Variants in TNIK observed in about 807,000 individuals in gnomAD.
TNIK encodes the protein TRAF2 and NCK interacting kinase, also known as TRAF2 and NCK-interacting protein kinase.
A neutral mutation model predicts 191.3 loss-of-function variants in TNIK; 49 were observed. The ratio of observed to expected loss-of-function variants is 0.26; its 90% CI spans 0.20 to 0.32. The LOEUF is 0.32. Ranked by LOEUF, TNIK falls within the 10% of genes least tolerant of loss-of-function variation. The probability of loss-of-function intolerance (pLI) is 1.00; values close to 1 mark genes in which losing one functional copy is unlikely to be tolerated. For synonymous variants in TNIK, 594 were observed against 600.9 expected (o/e 0.99, Z 0.17); for missense variants, 1,155 against 1,702.3 (o/e 0.68, Z 5.66).
chr3:171,342,241 G>A (rs986738411), intron 2 of TNIK, among the ~76,000 whole-genome samples: 1 of 152,180 alleles, frequency 6.6e-6, no homozygotes, highest in African/African-American at 2.4e-5. Context: ...AATTCTTCAG[G>A]TCTAAAGTGG....
At chr3:171,269,860 T>G (rs908205931) in intron 2 of TNIK, among the ~76,000 whole-genome samples, 4 of 152,248 alleles carry the variant, frequency 2.6e-5, no homozygotes, top group Admixed American at 6.5e-5. Context: ...GAGGGACTAC[T>G]AAGGCAATTC....
At position 171,282,334 on chromosome 3, in the gene TNIK, G is replaced by GTT. The variant is rs201489240; in HGVS notation, c.124-54115_124-54114dup. Among the ~76,000 whole-genome samples, 344 of 114,410 alleles carry GTT rather than the reference G, an allele frequency of 3.0e-3. 17 individuals are homozygous for GTT. Among genetic ancestry groups the GTT allele is most frequent in the Middle Eastern group, 9.6e-3 (2 of 208 alleles). 75.1% of individuals were successfully genotyped at this position (114,410 alleles called of 152,430 possible). Reference sequence around the variant, plus strand: ...GAACTATCTGCAGATTCTCTTAATGGTTTTTTGTTTTTTTTTTTTTTTTTG... The same window carrying GTT: ...GAACTATCTGCAGATTCTCTTAATGGTTTTTTTTGTTTTTTTTTTTTTTTTTG... On this transcript the variant is annotated intron_variant, in intron 2 of 32. Transcript: ENST00000436636.
chr3:171,337,425 G>A (rs1309769453), intron 2 of TNIK, among the ~76,000 whole-genome samples: 2 of 152,210 alleles, frequency 1.3e-5, no homozygotes, highest in Non-Finnish European at 2.9e-5. Flanking sequence ...AGGTCCAAAC[G>A]TTGAATAAAG....
At chr3:171,225,424 C>T in intron 3 of TNIK, 1 of 305,320 alleles carries the variant, frequency 3.3e-6, no homozygotes, top group South Asian at 2.7e-5. Flanking sequence ...CACAGAAAAA[C>T]TATCTAGCCC....
chr3:171,147,713 A>G (rs976721179), intron 12 of TNIK, among the ~76,000 whole-genome samples: 1 of 152,208 alleles, frequency 6.6e-6, no homozygotes, highest in Non-Finnish European at 1.5e-5. Context: ...AATTCTCACC[A>G]GAACCCTTTG....
At chr3:171,209,664 T>C (rs1484896820) in intron 4 of TNIK, among the ~76,000 whole-genome samples, 1 of 152,168 alleles carries the variant, frequency 6.6e-6, no homozygotes, top group Non-Finnish European at 1.5e-5. Context: ...CTGTAACTTT[T>C]TTAGAATTAT....
chr3:171,429,448 G>T (rs1725072081), intron 1 of TNIK, among the ~76,000 whole-genome samples: 2 of 152,018 alleles, frequency 1.3e-5, no homozygotes, highest in South Asian at 2.1e-4. Flanking sequence ...TACTAGCTAG[G>T]GCCTGATTTT....
At chr3:171,073,307 C>T (rs1719443802) in intron 28 of TNIK, among the ~76,000 whole-genome samples, 1 of 151,746 alleles carries the variant, frequency 6.6e-6, no homozygotes, top group African/African-American at 2.4e-5. Flanking sequence ...GGAAAGGACA[C>T]CCTGGGAAAA....
At chr3:171,129,665 T>C (rs984921929) in intron 15 of TNIK, among the ~76,000 whole-genome samples, 5 of 152,218 alleles carry the variant, frequency 3.3e-5, no homozygotes, top group African/African-American at 4.8e-5. Context: ...CATTTCCTTG[T>C]CATTCCCTTT....
intron 3 of TNIK, among the ~76,000 whole-genome samples, chr3:171,215,763 G>A (rs1469748044): frequency 6.6e-6 from 1 of 152,152 alleles, no homozygotes; most frequent in Non-Finnish European, 1.5e-5. Context: ...TTACACAGGG[G>A]AACACACTTT....
chr3:171,341,411 G>A (rs1757500259), intron 2 of TNIK, among the ~76,000 whole-genome samples: 1 of 128,982 alleles, frequency 7.8e-6, no homozygotes, highest in Non-Finnish European at 1.6e-5. Flanking sequence ...GGCAGAGGTT[G>A]TAGTGAGCCA....
At chr3:171,413,866 T>C (rs555804388) in intron 1 of TNIK, among the ~76,000 whole-genome samples, 12 of 152,314 alleles carry the variant, frequency 7.9e-5, no homozygotes, top group Admixed American at 3.3e-4. Context: ...CAAATCGTAG[T>C]TCCTTCTCTG....
chr3:171,324,622 TA>T (rs1322409724), intron 2 of TNIK, among the ~76,000 whole-genome samples: 1 of 152,086 alleles, frequency 6.6e-6, no homozygotes, highest in African/African-American at 2.4e-5. Context: ...CTCTGAGAAC[TA>T]AAAAGGTTCT....
chr3:171,382,470 C>T (rs1718175582), intron 1 of TNIK, among the ~76,000 whole-genome samples: 1 of 152,196 alleles, frequency 6.6e-6, no homozygotes, highest in South Asian at 2.1e-4. Flanking sequence ...ATCCCCTCGC[C>T]TCAGCCTCCC....
intron 23 of TNIK, among the ~76,000 whole-genome samples, chr3:171,093,585 T>C (rs1722339831): frequency 6.6e-6 from 1 of 152,206 alleles, no homozygotes; most frequent in Admixed American, 6.5e-5. Context: ...CCAAATTCTA[T>C]ATTCTGATTT....
intron 1 of TNIK, among the ~76,000 whole-genome samples, chr3:171,454,464 T>G (rs1283656084): frequency 6.6e-6 from 1 of 152,204 alleles, no homozygotes; most frequent in Non-Finnish European, 1.5e-5. Flanking sequence ...AAATATTACA[T>G]GACCTCCTAA....
At position 171,366,024 on chromosome 3, in the gene TNIK, A is replaced by G. The variant is rs1019227470; in HGVS notation, c.123+3596T>C. 3.9e-5 allele frequency among the ~76,000 whole-genome samples: 6 copies of G among 152,252 alleles called. No individual in the cohort carries two copies. The highest frequency in any genetic ancestry group is 1.4e-4 in the African/African-American group (6 of 41,468). On this transcript the variant is annotated intron_variant, in intron 2 of 32. Transcript: ENST00000436636. This position sits in a 1 kb window ranked among gnomAD's most constrained non-coding sequence, Gnocchi z 4.1. ...TAGTGGTATCTTACCAGTAAACATT[A>G]AACAATTATTTCAATTTATTAAAAG... is the stretch of plus-strand genomic sequence containing the variant.
intron 2 of TNIK, among the ~76,000 whole-genome samples, chr3:171,268,601 C>T (rs1200688525): frequency 6.6e-6 from 1 of 151,872 alleles, no homozygotes; most frequent in Non-Finnish European, 1.5e-5. Context: ...TCTTTGATAC[C>T]AGTCATCCAA....
At chr3:171,119,203 C>G (rs1051266292) in intron 18 of TNIK, among the ~76,000 whole-genome samples, 2 of 152,220 alleles carry the variant, frequency 1.3e-5, no homozygotes, top group African/African-American at 4.8e-5. Flanking sequence ...GCATCATCAT[C>G]ACTGGCCATC....
Sources: allele counts gnomAD v4.1 joint callset (sites outside exome capture counted in the v4.1 genomes callset), GRCh38; gene constraint gnomAD v4.1.1; non-coding constraint Gnocchi (gnomAD v3.1); transcripts MANE v1.5; gene names NCBI Gene and HGNC (gene_info 2026-07-23, HGNC 2026-07-21).